NRXN2: variants seen among roughly 807,000 people sequenced by gnomAD.
NRXN2 encodes neurexin 2, also known as neurexin-2-beta.
In NRXN2, 29 loss-of-function variants were observed where a neutral mutation model predicts 128.8. That is an observed-to-expected ratio of 0.23 (90% CI 0.17 to 0.31). NRXN2 has a LOEUF of 0.31. Ranked by LOEUF, NRXN2 falls within the 10% of genes least tolerant of loss-of-function variation. The pLI is 1.00. For synonymous variants in NRXN2, 1,098 were observed against 1,075.2 expected, an observed-to-expected ratio of 1.02 and a Z score of -0.41; for missense variants, 1,881 against 2,452.6, an observed-to-expected ratio of 0.77 and a Z score of 4.92.
chr11:64,660,221 T>G lies in NRXN2; in HGVS notation c.2389+111A>C. On this transcript the variant is annotated intron_variant, in intron 11 of 22. Transcript: ENST00000265459. This position sits in a 1 kb window ranked among gnomAD's most constrained non-coding sequence, Gnocchi z 5.2. ...CTGGCGCCTCCCCACCTCCAAACTC[T>G]GCTGAGGGCACCTCTTGCTGGTGCC... The G allele has an allele frequency of 7.9e-7, 1 of 1,259,646 alleles. No individual in the cohort carries two copies. The highest frequency in any genetic ancestry group is 1.2e-6 in the Non-Finnish European group (1 of 864,240). 78.0% of individuals were successfully genotyped at this position (1,259,646 alleles called of 1,614,324 possible). A position where few individuals can be genotyped will look rare whatever the true frequency, so the allele number is the denominator to read the frequency against.
chr11:64,709,242 C>T (rs1236549686), intron 2 of NRXN2, among the ~76,000 whole-genome samples: 5 of 150,048 alleles, frequency 3.3e-5, no homozygotes, highest in African/African-American at 1.2e-4. Flanking sequence ...AGTTGGGAAC[C>T]ATTCACAACA....
intron 18 of NRXN2, among the ~76,000 whole-genome samples, chr11:64,633,606 C>A (rs1246052458): frequency 6.6e-6 from 1 of 152,176 alleles, no homozygotes; most frequent in Non-Finnish European, 1.5e-5. Flanking sequence ...ACCCCGCCAC[C>A]CAGAAAGGCA....
At chr11:64,650,708 G>C in intron 14 of NRXN2, 70 bp from the exon 15 acceptor site, 1 of 1,451,914 alleles carries the variant, frequency 6.9e-7, no homozygotes, top group Non-Finnish European at 9.7e-7. Flanking sequence ...GTGAGGAGGA[G>C]CTATGGCTGG....
At chr11:64,671,131 A>T (rs2050575554) in intron 7 of NRXN2, among the ~76,000 whole-genome samples, 1 of 152,100 alleles carries the variant, frequency 6.6e-6, no homozygotes, top group Non-Finnish European at 1.5e-5. Context: ...GATCACTCCC[A>T]TGTGCTCCCT....
chr11:64,719,615 T>TG (rs1478049051), intron 1 of NRXN2, among the ~76,000 whole-genome samples: 3 of 151,944 alleles, frequency 2.0e-5, no homozygotes, highest in Non-Finnish European at 4.4e-5. Context: ...GCGGGTGGGC[T>TG]GGGGACAGAG....
intron 9 of NRXN2, among the ~76,000 whole-genome samples, chr11:64,665,199 T>C (rs1385859141): frequency 2.0e-5 from 3 of 150,762 alleles, no homozygotes; most frequent in East Asian, 1.9e-4. Context: ...GAGAATTGCT[T>C]GAACCCGGGA....
At chr11:64,711,414 T>TG (rs1412033067) in intron 2 of NRXN2, among the ~76,000 whole-genome samples, 2 of 152,076 alleles carry the variant, frequency 1.3e-5, no homozygotes, top group Non-Finnish European at 2.9e-5. Flanking sequence ...CCCAGACCGA[T>TG]GGGGGAGCCC....
intron 1 of NRXN2, among the ~76,000 whole-genome samples, chr11:64,715,808 G>A (rs562331228): frequency 2.0e-5 from 3 of 152,310 alleles, no homozygotes; most frequent in South Asian, 2.1e-4. Context: ...ACACTGTCGG[G>A]TTATATATAG....
chr11:64,622,999 C>T lies in NRXN2; in HGVS notation c.3927G>A (p.Gln1309=). 4 of 1,613,170 alleles carry T rather than the reference C, an allele frequency of 2.5e-6. No individual in the cohort carries two copies. Among genetic ancestry groups the T allele is most frequent in the Non-Finnish European group, 3.4e-6 (4 of 1,179,834 alleles). ...GRDQGRPFQG[Q]VSGLYYNGLK... is the part of the protein sequence containing the mutation. Reference sequence around the variant, plus strand: ...GCCCATTGTAGTAGAGGCCGGACACCTGGCCCTGGAAGGGGCGGCCCTGAT... The same window carrying T: ...GCCCATTGTAGTAGAGGCCGGACACTTGGCCCTGGAAGGGGCGGCCCTGAT... The change falls in exon 21 of 23, where the codon CAG becomes CAA. Residue 1309 remains glutamine, a synonymous_variant. Coordinates refer to ENST00000265459, the MANE Select transcript of NRXN2 (RefSeq NM_015080.4). This position sits in a 1 kb window ranked among gnomAD's most constrained non-coding sequence, Gnocchi z 4.3.
chr11:64,648,391 C>G lies in NRXN2; in HGVS notation c.3284-53G>C, dbSNP rs1035035380. On this transcript the variant is annotated intron_variant, in intron 16 of 22. Coordinates refer to ENST00000265459, the MANE Select transcript of NRXN2 (RefSeq NM_015080.4). The surrounding 1 kb of genome is among the most constrained non-coding windows in gnomAD (Gnocchi z 4.1). Reference sequence around the variant, plus strand: ...CCTGGCTCAGCCAAGCCCCCTCTTTCCCCAGGAGGTGTGGAAGCTTCAGAG... The same window carrying G: ...CCTGGCTCAGCCAAGCCCCCTCTTTGCCCAGGAGGTGTGGAAGCTTCAGAG... 1.3e-5 allele frequency: 21 copies of G among 1,613,218 alleles called. No individual in the cohort carries two copies. The highest frequency in any genetic ancestry group is 1.8e-5 in the Non-Finnish European group (21 of 1,179,770).
rs1159226248 is a variant in NRXN2, at chr11:64,713,138, G to T, written c.562C>A (p.Pro188Thr). Residue 188 changes from proline to threonine, a missense_variant, in exon 2 of 23, where the codon CCC becomes ACC. This residue lies in a region of NRXN2 where 997 missense variants were observed against 1,240.8 expected (regional missense o/e 0.80). Coordinates refer to ENST00000265459, the MANE Select transcript of NRXN2 (RefSeq NM_015080.4). Reference protein sequence around the residue: ...LLANLKLGERPPALLGSQGLR... With the variant: ...LLANLKLGERTPALLGSQGLR... ...CCCTGGCTGCCCAGCAGCGCGGGGGGCCGCTCGCCCAGCTTCAGGTTGGCC... is the reference window on the plus strand; with the variant it reads ...CCCTGGCTGCCCAGCAGCGCGGGGGTCCGCTCGCCCAGCTTCAGGTTGGCC... 9 of 1,436,310 alleles carry T rather than the reference G, an allele frequency of 6.3e-6. No homozygotes were observed. Among genetic ancestry groups the T allele is most frequent in the Non-Finnish European group, 8.2e-6 (9 of 1,094,726 alleles). The allele number at this position is 1,436,310 out of a possible 1,614,324, so 89.0% of individuals were successfully genotyped here. A position where few individuals can be genotyped will look rare whatever the true frequency, so the allele number is the denominator to read the frequency against.
At chr11:64,614,813 T>C (rs1332479158) in intron 22 of NRXN2, among the ~76,000 whole-genome samples, 1 of 152,238 alleles carries the variant, frequency 6.6e-6, no homozygotes, top group Non-Finnish European at 1.5e-5. Context: ...AGATCACATA[T>C]GGGTCCCCAT....
At chr11:64,693,436 G>A (rs2054107645) in intron 3 of NRXN2, among the ~76,000 whole-genome samples, 1 of 151,826 alleles carries the variant, frequency 6.6e-6, no homozygotes, top group South Asian at 2.1e-4. Context: ...GAGAGAGAGT[G>A]TCCTGTTAGC....
chr11:64,651,153 G>A lies in NRXN2; in HGVS notation c.2918+102C>T. ...GGACCTGAATCTTGACTTGTGATCT[G>A]GGGGGATTGGACACCTCGGCCAGTA... On this transcript the variant is annotated intron_variant, in intron 14 of 22. Transcript: ENST00000265459. This position sits in a 1 kb window ranked among gnomAD's most constrained non-coding sequence, Gnocchi z 5.9. 1 of 1,490,390 alleles carries A rather than the reference G, an allele frequency of 6.7e-7. No individual in the cohort carries two copies. Among genetic ancestry groups the A allele is most frequent in the Non-Finnish European group, 9.3e-7 (1 of 1,078,874 alleles). The allele number at this position is 1,490,390 out of a possible 1,614,324, so 92.3% of individuals were successfully genotyped here.
In NRXN2 at chr11:64,648,593, A is replaced by T; in HGVS notation, c.3283+141T>A. On this transcript the variant is annotated intron_variant, in intron 16 of 22. Transcript: ENST00000265459. The surrounding 1 kb of genome is among the most constrained non-coding windows in gnomAD (Gnocchi z 4.1). ...CTTCACACACCTGTATCCCTGCCCC[A>T]GAACTGTGGGGGCAAGCTCCCATAA... The T allele has an allele frequency of 8.2e-7, 1 of 1,220,574 alleles. No individual in the cohort carries two copies. Among genetic ancestry groups the T allele is most frequent in the Non-Finnish European group, 1.2e-6 (1 of 838,748 alleles). The allele number at this position is 1,220,574 out of a possible 1,614,324, so 75.6% of individuals were successfully genotyped here. A position where few individuals can be genotyped will look rare whatever the true frequency, so the allele number is the denominator to read the frequency against.
rs960311322 is a variant in NRXN2 at position 64,622,450 on chromosome 11, C to G, written c.4173+303G>C. On this transcript the variant is annotated intron_variant, in intron 21 of 22. Coordinates refer to ENST00000265459, the MANE Select transcript of NRXN2 (RefSeq NM_015080.4). This position sits in a 1 kb window ranked among gnomAD's most constrained non-coding sequence, Gnocchi z 4.3. ...CACCCCAAGTCCAGACTTCATCTCT[C>G]TTAGGTAGGGTGGTCTTCTCTCATA... is the stretch of plus-strand genomic sequence containing the variant. Among the ~76,000 whole-genome samples the G allele has an allele frequency of 1.3e-5, 2 of 152,322 alleles. No homozygotes were observed. Among genetic ancestry groups the G allele is most frequent in the Non-Finnish European group, 1.5e-5 (1 of 68,022 alleles).
chr11:64,648,482 T>TG lies in NRXN2; in HGVS notation c.3284-145dup. On this transcript the variant is annotated intron_variant, in intron 16 of 22. Transcript: ENST00000265459. The surrounding 1 kb of genome is among the most constrained non-coding windows in gnomAD (Gnocchi z 4.1). ...AGGGCCAAGTACTGATGACAGGGATTGGGGCAGGAGGGTCAGGTCTGCTAG... is the reference window on the plus strand; with the variant it reads ...AGGGCCAAGTACTGATGACAGGGATTGGGGGCAGGAGGGTCAGGTCTGCTAG... The TG allele has an allele frequency of 7.2e-7, 1 of 1,382,952 alleles. No individual in the cohort carries two copies. Among genetic ancestry groups the TG allele is most frequent in the Non-Finnish European group, 1.0e-6 (1 of 993,854 alleles). 85.7% of individuals were successfully genotyped at this position (1,382,952 alleles called of 1,614,324 possible).
intron 2 of NRXN2, among the ~76,000 whole-genome samples, chr11:64,704,671 G>GA (rs1441970190): frequency 2.1e-5 from 3 of 141,426 alleles, no homozygotes; most frequent in South Asian, 2.3e-4. Context: ...GAGAGAGAGA[G>GA]ATGTCAGTTG....
At chr11:64,663,923 A>T (rs2049405781) in intron 9 of NRXN2, among the ~76,000 whole-genome samples, 1 of 152,274 alleles carries the variant, frequency 6.6e-6, no homozygotes, top group African/African-American at 2.4e-5. Flanking sequence ...ATTATGCAAA[A>T]TGAAATAAAG....
Sources: allele counts gnomAD v4.1 joint callset (sites outside exome capture counted in the v4.1 genomes callset), GRCh38; gene constraint gnomAD v4.1.1; regional missense constraint gnomAD v4.1.1; non-coding constraint Gnocchi (gnomAD v3.1); transcripts MANE v1.5; gene names NCBI Gene and HGNC (gene_info 2026-07-23, HGNC 2026-07-21).